DAB2IP: variants seen among roughly 807,000 people sequenced by gnomAD.
The protein encoded by DAB2IP is disabled homolog 2-interacting protein.
Under a neutral mutation model 107.2 loss-of-function variants are expected in DAB2IP, and 28 were observed. That is an observed-to-expected ratio of 0.26 (90% CI 0.19 to 0.36). The LOEUF (loss-of-function observed/expected upper bound fraction) is 0.36. DAB2IP is among the 10% of genes least tolerant of loss of function. The probability of loss-of-function intolerance (pLI) is 1.00; values close to 1 mark genes in which losing one functional copy is unlikely to be tolerated. For missense variants in DAB2IP, 1,400 were observed against 1,644.7 expected (o/e 0.85, Z 2.57); for synonymous variants, 755 against 706.4 (o/e 1.07, Z -1.09).
At chr9:121,766,682 C>A in exon 9 of DAB2IP, 1 of 1,614,150 alleles carries the variant, frequency 6.2e-7, no homozygotes, top group African/African-American at 1.3e-5. Flanking sequence ...ACTGCCCGCA[C>A]CCTCACCCTC....
Position 121,773,435 on chromosome 9 carries a change from GCAGTCCTC to G in DAB2IP, c.2908_2915del (p.Gln970PhefsTer56). On this transcript the variant is annotated frameshift_variant, in exon 12 of 16. Coordinates refer to ENST00000408936, the Ensembl canonical transcript of DAB2IP. LOFTEE classifies it high-confidence loss of function. Reference sequence around the variant, plus strand: ...TGGGCCCCAGTACCCGCCTGAGGCAGCAGTCCTCTTCCTCCAAGGGGGACAGCCCAGAA... The same window carrying G: ...TGGGCCCCAGTACCCGCCTGAGGCAGTTCCTCCAAGGGGGACAGCCCAGAA... The G allele has an allele frequency of 6.4e-7, 1 of 1,551,466 alleles. No homozygotes were observed. The highest frequency in any genetic ancestry group is 8.7e-7 in the Non-Finnish European group (1 of 1,153,302).
chr9:121,608,326 C>G (rs1830955913), intron 1 of DAB2IP, among the ~76,000 whole-genome samples: 1 of 152,176 alleles, frequency 6.6e-6, no homozygotes, highest in Non-Finnish European at 1.5e-5. Context: ...TGATCCTCAG[C>G]CCCTGAGGTC....
intron 3 of DAB2IP, chr9:121,737,325 A>G (rs1272221916): frequency 2.0e-6 from 2 of 985,244 alleles, no homozygotes; most frequent in African/African-American, 3.5e-5. Context: ...GTAATTTTCC[A>G]CTTGTTTCCT....
Position 121,672,290 on chromosome 9 carries a change from G to A in DAB2IP, c.125-6388G>A, listed in dbSNP as rs542814023. On this transcript the variant is annotated intron_variant, in intron 1 of 15. Coordinates refer to ENST00000408936, the Ensembl canonical transcript of DAB2IP. ...TCTTGCTGACTTCTTTTCTCCTGAC[G>A]TTAGCGTTAAGAGGTTGCTGCCTCT... Among the ~76,000 whole-genome samples, 43 of 152,250 alleles carry A rather than the reference G, an allele frequency of 2.8e-4. No individual in the cohort carries two copies. In the South Asian group the frequency reaches 7.1e-3, roughly 25 times the overall value.
chr9:121,578,696 A>G (rs949662729), intron 1 of DAB2IP, among the ~76,000 whole-genome samples: 1 of 110,532 alleles, frequency 9.0e-6, no homozygotes, highest in African/African-American at 3.6e-5. Context: ...TCCCATCCTC[A>G]CTGCCTCATC....
At chr9:121,689,708 C>T (rs944689881) in intron 2 of DAB2IP, among the ~76,000 whole-genome samples, 11 of 152,204 alleles carry the variant, frequency 7.2e-5, no homozygotes, top group Non-Finnish European at 1.2e-4. Context: ...TGTGGCCCAG[C>T]GCAAACCTGA....
At chr9:121,604,988 A>C (rs1427674550) in intron 1 of DAB2IP, among the ~76,000 whole-genome samples, 1 of 152,106 alleles carries the variant, frequency 6.6e-6, no homozygotes, top group Non-Finnish European at 1.5e-5. Context: ...TTTGCAGAGA[A>C]CTTCTCTGCC....
chr9:121,594,914 T>C (rs1195377509), intron 1 of DAB2IP, among the ~76,000 whole-genome samples: 2 of 152,058 alleles, frequency 1.3e-5, no homozygotes, highest in Non-Finnish European at 2.9e-5. Flanking sequence ...TGGGTAGAGA[T>C]AGGGAGGACA....
chr9:121,625,295 A>C (rs1589422389), intron 1 of DAB2IP, among the ~76,000 whole-genome samples: 2 of 145,024 alleles, frequency 1.4e-5, no homozygotes, highest in East Asian at 4.0e-4. Flanking sequence ...GCTGGAGTGC[A>C]GTGGTGTGAT....
intron 1 of DAB2IP, among the ~76,000 whole-genome samples, chr9:121,581,104 C>T (rs998674485): frequency 3.9e-5 from 6 of 152,202 alleles, no homozygotes; most frequent in African/African-American, 1.2e-4. Flanking sequence ...CAGGGTTGTG[C>T]TGGGTCTTCC....
intron 3 of DAB2IP, among the ~76,000 whole-genome samples, chr9:121,756,480 T>C (rs1028019325): frequency 3.9e-5 from 6 of 152,228 alleles, no homozygotes; most frequent in African/African-American, 7.2e-5. Context: ...ATCTGTAAGA[T>C]GGGAGCAGCA....
chr9:121,725,381 C>T (rs891840303), intron 3 of DAB2IP, among the ~76,000 whole-genome samples: 12 of 152,144 alleles, frequency 7.9e-5, no homozygotes, highest in South Asian at 2.1e-4. Flanking sequence ...TGACCTGGCT[C>T]GGGGGCTTAT....
chr9:121,569,465 C>T (rs1450035185), intron 1 of DAB2IP, among the ~76,000 whole-genome samples: 1 of 152,236 alleles, frequency 6.6e-6, no homozygotes, highest in Non-Finnish European at 1.5e-5. Context: ...TATTGATCAG[C>T]TCAGGCTGCT....
intron 2 of DAB2IP, among the ~76,000 whole-genome samples, chr9:121,690,266 G>A (rs904885403): frequency 6.6e-6 from 1 of 152,120 alleles, no homozygotes; most frequent in African/African-American, 2.4e-5. Context: ...GGGGAGTTTT[G>A]CTGGGGAATG....
intron 4 of DAB2IP, among the ~76,000 whole-genome samples, chr9:121,758,547 C>G (rs1046257552): frequency 6.6e-6 from 1 of 152,164 alleles, no homozygotes; most frequent in African/African-American, 2.4e-5. Context: ...GCCCTCTGAC[C>G]TGGGCAAGGT....
At chr9:121,570,339 C>T (rs1003626886) in intron 1 of DAB2IP, among the ~76,000 whole-genome samples, 1 of 151,904 alleles carries the variant, frequency 6.6e-6, no homozygotes, top group African/African-American at 2.4e-5. Context: ...GTCTCGAACT[C>T]CTGAGCTCAA....
chr9:121,608,836 G>A (rs1830982185), intron 1 of DAB2IP, among the ~76,000 whole-genome samples: 1 of 152,222 alleles, frequency 6.6e-6, no homozygotes, highest in South Asian at 2.1e-4. Context: ...TCGTGCTAGG[G>A]GGAGCACCCC....
chr9:121,592,033 AAGG>A (rs2118930245), intron 1 of DAB2IP, among the ~76,000 whole-genome samples: 1 of 152,318 alleles, frequency 6.6e-6, no homozygotes, highest in Non-Finnish European at 1.5e-5. Context: ...TGTTACCAAC[AAGG>A]AGGTCATTGG....
intron 14 of DAB2IP, among the ~76,000 whole-genome samples, chr9:121,779,072 T>C (rs1164924878): frequency 1.3e-5 from 2 of 152,182 alleles, no homozygotes; most frequent in Non-Finnish European, 2.9e-5. Context: ...TTATCTTCTT[T>C]CTTCATTTTT....
Sources: allele counts gnomAD v4.1 joint callset (sites outside exome capture counted in the v4.1 genomes callset), GRCh38; gene constraint gnomAD v4.1.1; transcripts MANE v1.5; gene names NCBI Gene and HGNC (gene_info 2026-07-23, HGNC 2026-07-21).